Variants in RFC4 observed in about 807,000 individuals in gnomAD.
RFC4 encodes the protein replication factor C subunit 4.
RFC4 carries 38 observed loss-of-function variants against 47.6 expected under a neutral mutation model. That is an observed-to-expected ratio of 0.80 (90% confidence interval 0.62 to 1.05). The LOEUF (loss-of-function observed/expected upper bound fraction) is 1.05. RFC4 is among the 50% of genes least tolerant of loss of function. The pLI is 0.00. For synonymous variants in RFC4, 164 were observed against 150.0 expected (o/e 1.09, Z -0.68); for missense variants, 489 against 434.0 (o/e 1.13, Z -1.13).
Position 186,791,861 on chromosome 3 carries a change from A to C in RFC4, c.676-11T>G, listed in dbSNP as rs766258531. ...AAGATAAGCTATTCCCTGAAGAGAAAAGAGTTGTTTTTAACCTATGATGGC... is the reference window on the plus strand; with the variant it reads ...AAGATAAGCTATTCCCTGAAGAGAACAGAGTTGTTTTTAACCTATGATGGC... On this transcript the variant is annotated splice_polypyrimidine_tract_variant and intron_variant, in intron 7 of 10. Coordinates refer to ENST00000296273, the MANE Select transcript of RFC4 (RefSeq NM_002916.5). 6 of 1,608,636 alleles carry C rather than the reference A, an allele frequency of 3.7e-6. No individual in the cohort carries two copies. The highest frequency in any genetic ancestry group is 1.7e-4 in the Middle Eastern group (1 of 6,032).
intron 10 of RFC4, 23 bp from the exon 11 acceptor site, chr3:186,790,087 T>TA: frequency 6.2e-7 from 1 of 1,608,002 alleles, no homozygotes. Flanking sequence ...TTTAAGAAAT[T>TA]AGCATCCTTC....
chr3:186,792,428 C>T, intron 7 of RFC4, 62 bp downstream of exon 7: 1 of 1,458,360 alleles, frequency 6.9e-7, no homozygotes, highest in Admixed American at 1.8e-5. Flanking sequence ...CTTTCAGGGC[C>T]TCTTTATATG....
intron 7 of RFC4, 121 bp downstream of exon 7, chr3:186,792,369 A>G: frequency 1.3e-6 from 1 of 786,926 alleles, no homozygotes; most frequent in Non-Finnish European, 2.0e-6. Flanking sequence ...CTTTAGCTTA[A>G]GTTTGTCTGA....
chr3:186,797,659 A>T (rs1253080933), intron 3 of RFC4, 45 bp from the exon 4 acceptor site: 1 of 1,331,230 alleles, frequency 7.5e-7, no homozygotes, highest in East Asian at 2.3e-5. Context: ...ATTCTGGCAC[A>T]AATAGATGAA....
At chr3:186,800,701 G>A (rs967106433) in intron 3 of RFC4, among the ~76,000 whole-genome samples, 2 of 152,048 alleles carry the variant, frequency 1.3e-5, no homozygotes, top group Non-Finnish European at 2.9e-5. Flanking sequence ...CCTAAAGTTA[G>A]TAAGCAATTA....
chr3:186,792,963 A>G lies in RFC4; in HGVS notation c.411-16T>C. 1 of 1,607,796 alleles carries G rather than the reference A, an allele frequency of 6.2e-7. No individual in the cohort carries two copies. The highest frequency in any genetic ancestry group is 8.5e-7 in the Non-Finnish European group (1 of 1,177,368). ...CGGCTTCCCACTGATTCAGAGAAAC[A>G]CATAAGAGTTGAACATTAATATGTA... On this transcript the variant is annotated splice_polypyrimidine_tract_variant and intron_variant, in intron 5 of 10. Transcript: ENST00000296273.
Position 186,790,320 on chromosome 3 carries a change from CTT to C in RFC4, c.882+4_882+5del. On this transcript the variant is annotated splice_donor_5th_base_variant and intron_variant, in intron 9 of 10. Coordinates refer to ENST00000296273, the MANE Select transcript of RFC4 (RefSeq NM_002916.5). Reference sequence around the variant, plus strand: ...CCTTTCCCCAAAGTTAGTAAGCTGACTTTACCTTGACCACAGCTTCTAGTTTG... The same window carrying C: ...CCTTTCCCCAAAGTTAGTAAGCTGACTACCTTGACCACAGCTTCTAGTTTG... The C allele has an allele frequency of 1.2e-6, 2 of 1,613,564 alleles. No homozygotes were observed. Among genetic ancestry groups the C allele is most frequent in the Non-Finnish European group, 1.7e-6 (2 of 1,179,498 alleles).
intron 5 of RFC4, 121 bp downstream of exon 5, chr3:186,794,537 A>G (rs1722204750): frequency 3.1e-6 from 3 of 982,836 alleles, no homozygotes; most frequent in Admixed American, 4.7e-5. Flanking sequence ...GTCTTCTAAC[A>G]TGAAAAGTTG....
rs760983655 is a variant in RFC4, at chr3:186,794,662, A to G, written c.406T>C (p.Ser136Pro). 4 of 1,613,642 alleles carry G rather than the reference A, an allele frequency of 2.5e-6. No homozygotes were observed. The highest frequency in any genetic ancestry group is 3.4e-6 in the Non-Finnish European group (4 of 1,179,842). ...AGGGAGGGCAAATTTACTTACTCTG[A>G]GCGACTTCCTGACACAGTTAATTGA... ...FAQLTVSGSRSDGKPCPPFKI... is the reference protein window; with the variant it reads ...FAQLTVSGSRPDGKPCPPFKI... Residue 136 changes from serine to proline, a missense_variant, in exon 5 of 11, where the codon TCA becomes CCA. This residue lies in a region of RFC4 where 206 missense variants were observed against 257.8 expected (regional missense o/e 0.80). Coordinates refer to ENST00000296273, the MANE Select transcript of RFC4 (RefSeq NM_002916.5).
At chr3:186,791,938 C>A in intron 7 of RFC4, 88 bp from the exon 8 acceptor site, 2 of 1,222,848 alleles carry the variant, frequency 1.6e-6, no homozygotes, top group Non-Finnish European at 2.3e-6. Context: ...AAGTGAAAAA[C>A]CCTGTTTTAG....
intron 7 of RFC4, 114 bp downstream of exon 7, chr3:186,792,372 TTGTC>T (rs766527278): frequency 1.1e-5 from 9 of 806,468 alleles, no homozygotes; most frequent in Non-Finnish European, 1.6e-5. Context: ...TAGCTTAAGT[TTGTC>T]TGAAGAACTG....
chr3:186,806,035 A>G (rs997521827), intron 1 of RFC4, among the ~76,000 whole-genome samples: 1 of 152,244 alleles, frequency 6.6e-6, no homozygotes, highest in Non-Finnish European at 1.5e-5. Flanking sequence ...TAAATTTTTA[A>G]TATCTGTTAG....
intron 2 of RFC4, among the ~76,000 whole-genome samples, chr3:186,802,593 C>A (rs578134442): frequency 6.7e-4 from 102 of 152,288 alleles, no homozygotes; most frequent in African/African-American, 2.4e-3. Flanking sequence ...TTTCATCTTA[C>A]AACAGTGATT....
At chr3:186,800,118 GCTA>G (rs1000137955) in intron 3 of RFC4, among the ~76,000 whole-genome samples, 11 of 152,050 alleles carry the variant, frequency 7.2e-5, no homozygotes, top group African/African-American at 2.7e-4. Context: ...ACCACGCCTG[GCTA>G]CTTTTTCTAA....
At chr3:186,797,716 T>C in intron 3 of RFC4, 102 bp from the exon 4 acceptor site, 1 of 707,536 alleles carries the variant, frequency 1.4e-6, no homozygotes. Context: ...ATGACTTCTC[T>C]AATAGGGCAC....
intron 4 of RFC4, among the ~76,000 whole-genome samples, chr3:186,795,147 G>C (rs1277261137): frequency 6.6e-6 from 1 of 152,142 alleles, no homozygotes; most frequent in Non-Finnish European, 1.5e-5. Flanking sequence ...TGGGACTATA[G>C]GCACATGCCA....
Position 186,793,724 on chromosome 3 carries a change from G to A in RFC4, c.411-777C>T, listed in dbSNP as rs1722187982. Reference sequence around the variant, plus strand: ...CACGAAATGTCTATGCAGATCCTTTGCCTTTTTTTTTTTTTTGAGATAGAG... The same window carrying A: ...CACGAAATGTCTATGCAGATCCTTTACCTTTTTTTTTTTTTTGAGATAGAG... On this transcript the variant is annotated intron_variant, in intron 5 of 10. Coordinates refer to ENST00000296273, the MANE Select transcript of RFC4 (RefSeq NM_002916.5). The surrounding 1 kb of genome is among the most constrained non-coding windows in gnomAD (Gnocchi z 4.2). 6.7e-6 allele frequency among the ~76,000 whole-genome samples: 1 copy of A among 149,218 alleles called. No individual in the cohort carries two copies. Among genetic ancestry groups the A allele is most frequent in the Non-Finnish European group, 1.5e-5 (1 of 67,378 alleles).
At chr3:186,794,351 A>G (rs943305172) in intron 5 of RFC4, among the ~76,000 whole-genome samples, 3 of 152,232 alleles carry the variant, frequency 2.0e-5, no homozygotes, top group African/African-American at 7.2e-5. Flanking sequence ...GTTGTGACTG[A>G]CTGCACCATC....
Position 186,792,913 on chromosome 3 carries a change from G to A in RFC4, c.445C>T (p.Leu149=). The A allele has an allele frequency of 6.2e-7, 1 of 1,613,824 alleles. No homozygotes were observed. Among genetic ancestry groups the A allele is most frequent in the Non-Finnish European group, 8.5e-7 (1 of 1,179,908 alleles). The change falls in exon 6 of 11, where the codon CTG becomes TTG. Residue 149 remains leucine (L), a synonymous_variant. Transcript: ENST00000296273. The part of the protein sequence containing the change: ...KPCPPFKIVI[L]DEADSMTSAA... Reference sequence around the variant, plus strand: ...GAGGTCATAGAATCTGCTTCATCCAGAATCACAATCTTAAAAGGCGGACAC... The same window carrying A: ...GAGGTCATAGAATCTGCTTCATCCAAAATCACAATCTTAAAAGGCGGACAC...
Sources: allele counts gnomAD v4.1 joint callset (sites outside exome capture counted in the v4.1 genomes callset), GRCh38; gene constraint gnomAD v4.1.1; regional missense constraint gnomAD v4.1.1; non-coding constraint Gnocchi (gnomAD v3.1); transcripts MANE v1.5; gene names NCBI Gene and HGNC (gene_info 2026-07-23, HGNC 2026-07-21).